FGF14: variants seen among roughly 807,000 people sequenced by gnomAD.
FGF14 encodes the protein fibroblast growth factor homologous factor 4.
Under a neutral mutation model 25.5 loss-of-function variants are expected in FGF14, and 5 were observed. The ratio of observed to expected loss-of-function variants is 0.20; its 90% CI spans 0.10 to 0.41. The LOEUF is 0.41. FGF14 is among the 10% of genes least tolerant of loss of function. FGF14 has a pLI of 1.00. For missense variants in FGF14, 222 were observed against 320.1 expected, an observed-to-expected ratio of 0.69 and a Z score of 2.34; for synonymous variants, 138 against 118.3, an observed-to-expected ratio of 1.17 and a Z score of -1.08.
intron 1 of FGF14, among the ~76,000 whole-genome samples, chr13:102,170,295 T>G (rs2048194586): frequency 6.6e-6 from 1 of 152,020 alleles, no homozygotes; most frequent in African/African-American, 2.4e-5. Flanking sequence ...AAAAATCCTA[T>G]TATAGGAAAT....
upstream of FGF14, chr13:102,402,114 C>G (rs896947174): frequency 5.6e-6 from 1 of 179,156 alleles, no homozygotes; most frequent in African/African-American, 2.4e-5. Flanking sequence ...CACCACCACA[C>G]ACACTCACAC....
At chr13:101,865,818 A>G (rs2044671014) in intron 3 of FGF14, among the ~76,000 whole-genome samples, 1 of 152,162 alleles carries the variant, frequency 6.6e-6, no homozygotes. Flanking sequence ...TGGATCTTCA[A>G]AAAAATCAAT....
At chr13:101,937,359 G>A (rs772663178) in intron 1 of FGF14, among the ~76,000 whole-genome samples, 1 of 152,172 alleles carries the variant, frequency 6.6e-6, no homozygotes, top group Admixed American at 6.5e-5. Flanking sequence ...AAGTGAAAAT[G>A]AGGCTGTCAG....
At chr13:101,819,789 G>T (rs1019365600) in intron 3 of FGF14, among the ~76,000 whole-genome samples, 7 of 152,140 alleles carry the variant, frequency 4.6e-5, no homozygotes, top group African/African-American at 1.7e-4. Context: ...TATGATAAGA[G>T]AGAAAACATG....
intron 1 of FGF14, among the ~76,000 whole-genome samples, chr13:102,330,729 C>T (rs1261282639): frequency 6.6e-6 from 1 of 152,156 alleles, no homozygotes; most frequent in African/African-American, 2.4e-5. Context: ...AAGCTCCACA[C>T]CCCTGATCAT....
At chr13:101,746,249 T>C (rs1356607569) in intron 3 of FGF14, among the ~76,000 whole-genome samples, 4 of 151,930 alleles carry the variant, frequency 2.6e-5, no homozygotes, top group Non-Finnish European at 4.4e-5. Flanking sequence ...AACTATTCAG[T>C]TAGAACCTAG....
intron 1 of FGF14, among the ~76,000 whole-genome samples, chr13:101,983,887 A>C (rs1213510190): frequency 6.6e-6 from 1 of 152,106 alleles, no homozygotes; most frequent in Admixed American, 6.6e-5. Flanking sequence ...GGCTCCCCCT[A>C]GGAGGAGAGC....
chr13:101,828,439 T>C (rs1158234896), intron 3 of FGF14, among the ~76,000 whole-genome samples: 2 of 151,858 alleles, frequency 1.3e-5, no homozygotes, highest in African/African-American at 2.4e-5. Flanking sequence ...AAACAATTGA[T>C]AGAACTATTT....
chr13:102,013,885 G>A (rs1328346681), intron 1 of FGF14, among the ~76,000 whole-genome samples: 1 of 152,124 alleles, frequency 6.6e-6, no homozygotes, highest in Admixed American at 6.6e-5. Context: ...CTAACAGCTT[G>A]CAAGAGGCAT....
At chr13:102,186,113 A>AAT (rs1555374257) in intron 1 of FGF14, among the ~76,000 whole-genome samples, 1 of 152,042 alleles carries the variant, frequency 6.6e-6, no homozygotes, top group Admixed American at 6.6e-5. Context: ...AGGTTAAAAA[A>AAT]ATATATATAT....
At chr13:101,871,507 T>C (rs1444892814) in intron 2 of FGF14, among the ~76,000 whole-genome samples, 2 of 152,070 alleles carry the variant, frequency 1.3e-5, no homozygotes. Context: ...ATTTTACACA[T>C]CAAGTTACCA....
intron 1 of FGF14, among the ~76,000 whole-genome samples, chr13:102,158,155 G>A (rs2047437403): frequency 6.6e-6 from 1 of 152,180 alleles, no homozygotes; most frequent in Non-Finnish European, 1.5e-5. Flanking sequence ...ATTTGACCCA[G>A]CAATCCCTTA....
intron 1 of FGF14, among the ~76,000 whole-genome samples, chr13:102,388,738 A>T (rs1405829550): frequency 6.6e-6 from 1 of 151,842 alleles, no homozygotes; most frequent in African/African-American, 2.4e-5. Context: ...TAGTACAAAA[A>T]TCCCTCCTTC....
intron 1 of FGF14, among the ~76,000 whole-genome samples, chr13:101,932,927 A>AG (rs962319650): frequency 1.8e-4 from 28 of 152,266 alleles, no homozygotes; most frequent in Admixed American, 1.3e-3. Context: ...GATGGGAGAT[A>AG]GCAGCTGAGG....
intron 1 of FGF14, among the ~76,000 whole-genome samples, chr13:102,264,297 GT>G (rs1006644014): frequency 1.3e-5 from 2 of 152,124 alleles, no homozygotes; most frequent in African/African-American, 4.8e-5. Context: ...CCAACGCAAA[GT>G]TGAGGCTCAA....
chr13:101,965,446 C>T (rs904820952), intron 1 of FGF14, among the ~76,000 whole-genome samples: 2 of 151,926 alleles, frequency 1.3e-5, no homozygotes, highest in Admixed American at 6.6e-5. Flanking sequence ...TCAAATTTGA[C>T]CAAACATCAA....
intron 1 of FGF14, among the ~76,000 whole-genome samples, chr13:102,249,229 C>G (rs1022926623): frequency 6.6e-6 from 1 of 152,044 alleles, no homozygotes; most frequent in Admixed American, 6.6e-5. Flanking sequence ...CCCTGTTACT[C>G]CCTTACTTGA....
At chr13:102,183,126 T>C (rs1404211453) in intron 1 of FGF14, among the ~76,000 whole-genome samples, 2 of 151,766 alleles carry the variant, frequency 1.3e-5, no homozygotes, top group Admixed American at 1.3e-4. Flanking sequence ...GAGCGCTATA[T>C]AAAAAACATA....
At chr13:101,977,132 A>C (rs928598747) in intron 1 of FGF14, among the ~76,000 whole-genome samples, 2 of 152,190 alleles carry the variant, frequency 1.3e-5, no homozygotes, top group African/African-American at 4.8e-5. Context: ...ACACATCCAC[A>C]TAACTACCAA....
Sources: allele counts gnomAD v4.1 joint callset (sites outside exome capture counted in the v4.1 genomes callset), GRCh38; gene constraint gnomAD v4.1.1; transcripts MANE v1.5; gene names NCBI Gene and HGNC (gene_info 2026-07-23, HGNC 2026-07-21).